Variants in CTDSPL observed in about 807,000 individuals in gnomAD.
CTDSPL encodes the protein CTD small phosphatase-like protein.
A neutral mutation model predicts 30.5 loss-of-function variants in CTDSPL; 8 were observed. The observed-to-expected ratio is 0.26, with a 90% CI of 0.15 to 0.47. CTDSPL has a LOEUF of 0.47. CTDSPL is among the 20% of genes least tolerant of loss of function. The probability of loss-of-function intolerance (pLI) is 0.99; values close to 1 mark genes in which losing one functional copy is unlikely to be tolerated. For synonymous variants in CTDSPL, 110 were observed against 137.9 expected (o/e 0.80, Z 1.42); for missense variants, 248 against 366.1 (o/e 0.68, Z 2.63).
chr3:37,926,060 A>G (rs1698778116), intron 1 of CTDSPL, among the ~76,000 whole-genome samples: 1 of 152,230 alleles, frequency 6.6e-6, no homozygotes, highest in African/African-American at 2.4e-5. Flanking sequence ...CAAATAAGCA[A>G]GTGTTGGATG....
intron 1 of CTDSPL, among the ~76,000 whole-genome samples, chr3:37,871,366 A>G (rs1017571517): frequency 1.8e-4 from 27 of 152,216 alleles, no homozygotes; most frequent in Admixed American, 1.6e-3. Flanking sequence ...ACTGAAGGGC[A>G]TGTTGGTTGC....
chr3:37,965,435 C>A (rs555407174), intron 4 of CTDSPL, among the ~76,000 whole-genome samples: 1 of 152,184 alleles, frequency 6.6e-6, no homozygotes, highest in South Asian at 2.1e-4. Flanking sequence ...ATAAAAGAGG[C>A]AAATGATGAA....
intron 1 of CTDSPL, among the ~76,000 whole-genome samples, chr3:37,931,293 G>A (rs908341503): frequency 2.0e-5 from 3 of 151,890 alleles, no homozygotes; most frequent in Admixed American, 6.6e-5. Flanking sequence ...GACTACAGGT[G>A]CACTCCACTT....
chr3:37,937,442 CCT>C (rs1408348898), intron 1 of CTDSPL, among the ~76,000 whole-genome samples: 1 of 150,316 alleles, frequency 6.7e-6, no homozygotes, highest in African/African-American at 2.4e-5. Context: ...AAAGGCTCCT[CCT>C]CACGTTTGCC....
Position 37,975,871 on chromosome 3 carries a change from T to C in CTDSPL, c.682T>C (p.Tyr228His). The C allele has an allele frequency of 6.2e-7, 1 of 1,614,010 alleles. No individual in the cohort carries two copies. Residue 228 changes from tyrosine to histidine, a missense_variant, in exon 7 of 8, where the codon TAC becomes CAC. This residue lies in a region of CTDSPL where 84 missense variants were observed against 139.4 expected (regional missense o/e 0.60). Transcript: ENST00000273179. The surrounding 1 kb of genome is among the most constrained non-coding windows in gnomAD (Gnocchi z 4.9). ...VIIVDNSPAS[Y>H]IFHPENAVPV... is the part of the protein sequence containing the mutation. The stretch of plus-strand genomic sequence containing the variant: ...CATTGTTGACAATTCCCCTGCCTCA[T>C]ACATCTTCCATCCTGAGAATGCAGT...
At chr3:37,959,869 A>G (rs951796882) in intron 3 of CTDSPL, among the ~76,000 whole-genome samples, 1 of 152,238 alleles carries the variant, frequency 6.6e-6, no homozygotes, top group Admixed American at 6.5e-5. Context: ...CTTACTGAAA[A>G]TGATAATCAA....
intron 1 of CTDSPL, among the ~76,000 whole-genome samples, chr3:37,896,587 A>T (rs1166100579): frequency 6.6e-6 from 1 of 151,530 alleles, no homozygotes; most frequent in Non-Finnish European, 1.5e-5. Context: ...CCCAGGCTGG[A>T]GTGCAGTGGT....
intron 1 of CTDSPL, among the ~76,000 whole-genome samples, chr3:37,894,629 T>TA (rs1698371126): frequency 6.6e-6 from 1 of 152,136 alleles, no homozygotes; most frequent in Non-Finnish European, 1.5e-5. Flanking sequence ...TTGCAGCCAT[T>TA]AAAAAAATAT....
intron 1 of CTDSPL, chr3:37,911,827 G>A: frequency 2.4e-6 from 1 of 422,834 alleles, no homozygotes; most frequent in South Asian, 1.7e-5. Flanking sequence ...GGGAGGCCAA[G>A]GTGGGTGGAT....
At chr3:37,895,672 T>A (rs1222841061) in intron 1 of CTDSPL, among the ~76,000 whole-genome samples, 2 of 152,238 alleles carry the variant, frequency 1.3e-5, no homozygotes, top group East Asian at 3.8e-4. Context: ...CAGGTAGTTA[T>A]TTTTTATATT....
intron 5 of CTDSPL, chr3:37,969,513 C>G (rs757341704): frequency 1.3e-5 from 6 of 450,562 alleles, no homozygotes; most frequent in Admixed American, 2.5e-5. Context: ...GCTCAGGACC[C>G]CCCTCTCTGC....
At chr3:37,945,094 C>G (rs1699020056) in intron 1 of CTDSPL, among the ~76,000 whole-genome samples, 1 of 150,238 alleles carries the variant, frequency 6.7e-6, no homozygotes, top group South Asian at 2.2e-4. Context: ...GAACAAATAG[C>G]TTGTTTACTT....
At chr3:37,882,729 T>G (rs1698221857) in intron 1 of CTDSPL, among the ~76,000 whole-genome samples, 1 of 152,214 alleles carries the variant, frequency 6.6e-6, no homozygotes, top group Non-Finnish European at 1.5e-5. Context: ...TAAAATGCAG[T>G]TATTACATTT....
chr3:37,926,703 G>A (rs1306761298), intron 1 of CTDSPL, among the ~76,000 whole-genome samples: 2 of 152,212 alleles, frequency 1.3e-5, no homozygotes, highest in African/African-American at 4.8e-5. Flanking sequence ...TAGAGGAATT[G>A]TATCACTGAA....
At position 37,862,194 on chromosome 3, in the gene CTDSPL, G is replaced by C; in HGVS notation, c.-6G>C. On this transcript the variant is annotated 5_prime_UTR_variant, in exon 1 of 8. Transcript: ENST00000273179. The surrounding 1 kb of genome is among the most constrained non-coding windows in gnomAD (Gnocchi z 4.3). ...GGCCTGCGGGCGGCCGCCGCGCCGC[G>C]CACCCATGGACGGCCCGGCCATCAT... The C allele has an allele frequency of 8.2e-7, 1 of 1,220,730 alleles. No individual in the cohort carries two copies. 75.6% of individuals were successfully genotyped at this position (1,220,730 alleles called of 1,614,324 possible). A position where few individuals can be genotyped will look rare whatever the true frequency, so the allele number is the denominator to read the frequency against.
intron 1 of CTDSPL, among the ~76,000 whole-genome samples, chr3:37,935,300 A>T (rs539375631): frequency 6.6e-6 from 1 of 152,106 alleles, no homozygotes; most frequent in Admixed American, 6.5e-5. Flanking sequence ...ATATGTTTTT[A>T]TCATTTCTAT....
At chr3:37,976,589 A>G (rs1459315211) in intron 7 of CTDSPL, among the ~76,000 whole-genome samples, 2 of 150,976 alleles carry the variant, frequency 1.3e-5, no homozygotes, top group Non-Finnish European at 2.9e-5. Context: ...CTGAGATCCC[A>G]CCACTTCACT....
In CTDSPL at chr3:37,878,027, T is replaced by C. The variant is rs575638553; in HGVS notation, c.79+15749T>C. On this transcript the variant is annotated intron_variant, in intron 1 of 7. Transcript: ENST00000273179. ...AAACTATATCACCTCCATACTGTTTTCCACAGCATTCCCACCAACAGTGCA... is the reference window on the plus strand; with the variant it reads ...AAACTATATCACCTCCATACTGTTTCCCACAGCATTCCCACCAACAGTGCA... 3.8e-3 allele frequency among the ~76,000 whole-genome samples: 577 copies of C among 152,296 alleles called. 2 individuals carry two copies. The highest frequency in any genetic ancestry group is 0.012 in the African/African-American group (515 of 41,572).
At chr3:37,944,445 A>G (rs1699012597) in intron 1 of CTDSPL, among the ~76,000 whole-genome samples, 1 of 150,382 alleles carries the variant, frequency 6.6e-6, no homozygotes, top group South Asian at 2.1e-4. Context: ...GAGCAAATCA[A>G]GGACCTTCTG....
Sources: allele counts gnomAD v4.1 joint callset (sites outside exome capture counted in the v4.1 genomes callset), GRCh38; gene constraint gnomAD v4.1.1; regional missense constraint gnomAD v4.1.1; non-coding constraint Gnocchi (gnomAD v3.1); transcripts MANE v1.5; gene names NCBI Gene and HGNC (gene_info 2026-07-23, HGNC 2026-07-21).